ZNF532: variants seen among roughly 807,000 people sequenced by gnomAD.
ZNF532 encodes the protein zinc finger protein 532.
A neutral mutation model predicts 89.3 loss-of-function variants in ZNF532; 22 were observed. The observed-to-expected ratio is 0.25, with a 90% CI of 0.18 to 0.35. The LOEUF (loss-of-function observed/expected upper bound fraction) is 0.35. ZNF532 is among the 10% of genes least tolerant of loss of function. ZNF532 has a pLI of 1.00. For synonymous variants in ZNF532, 606 were observed against 649.6 expected, an observed-to-expected ratio of 0.93 and a Z score of 1.02; for missense variants, 1,132 against 1,643.4, an observed-to-expected ratio of 0.69 and a Z score of 5.38.
Position 58,979,105 on chromosome 18 carries a change from C to A in ZNF532, c.3201C>A (p.Ser1067=), listed in dbSNP as rs1465054432. Residue 1067 remains serine, a synonymous_variant, in exon 8 of 10, where the codon TCC becomes TCA. Coordinates refer to ENST00000591808, the MANE Select transcript of ZNF532 (RefSeq NM_001375912.1). ...CRQCDKSFSS[S]HSLCRHNRIK... ...AGTGTGACAAGTCTTTCAGCTCGTC[C>A]CACAGCCTGTGCCGGCACAACCGGA... 6 of 1,613,416 alleles carry A rather than the reference C, an allele frequency of 3.7e-6. No homozygotes were observed. In the South Asian group the frequency reaches 6.6e-5, roughly 18 times the overall value.
chr18:58,881,145 G>A (rs559203601), intron 2 of ZNF532, among the ~76,000 whole-genome samples: 5 of 149,630 alleles, frequency 3.3e-5, no homozygotes, highest in East Asian at 2.0e-4. Context: ...TCTGTCGCCC[G>A]GGCTGGAGTG....
At chr18:58,889,713 C>A (rs773841999) in intron 2 of ZNF532, among the ~76,000 whole-genome samples, 1 of 151,260 alleles carries the variant, frequency 6.6e-6, no homozygotes, top group Non-Finnish European at 1.5e-5. Flanking sequence ...GTGGAGGTTG[C>A]GGTGAGCCGA....
intron 7 of ZNF532, 38 bp downstream of exon 7, chr18:58,953,837 G>A: frequency 6.3e-7 from 1 of 1,582,884 alleles, no homozygotes; most frequent in Non-Finnish European, 8.6e-7. Context: ...GTGAGTGCAA[G>A]AGAGGGCACT....
intron 2 of ZNF532, among the ~76,000 whole-genome samples, chr18:58,888,024 A>G (rs1376768461): frequency 1.3e-5 from 2 of 152,236 alleles, no homozygotes; most frequent in Non-Finnish European, 2.9e-5. Flanking sequence ...TCTAGTTCTC[A>G]GAAAATGGAA....
chr18:58,920,737 TGTG>T (rs1444300333), intron 3 of ZNF532, 104 bp downstream of exon 3: 283 of 2,982 alleles, frequency 0.095, 2 homozygotes, highest in African/African-American at 0.22. Context: ...GAAATGGACG[TGTG>T]TGTGTGTGTG....
chr18:58,953,544 T>C lies in ZNF532; in HGVS notation c.2895T>C (p.Ile965=), dbSNP rs2064436013. ...CTATGCATGGAACATTGAAAAGTAT[T>C]GAAGGGCCTCCAAACTTGGGTATAA... ...IKSMHGTLKS[I]EGPPNLGINL... The change falls in exon 7 of 10, where the codon ATT becomes ATC. Residue 965 remains isoleucine (I), a synonymous_variant. Coordinates refer to ENST00000591808, the MANE Select transcript of ZNF532 (RefSeq NM_001375912.1). 1 of 1,612,666 alleles carries C rather than the reference T, an allele frequency of 6.2e-7. No homozygotes were observed. The highest frequency in any genetic ancestry group is 1.3e-5 in the African/African-American group (1 of 74,834).
chr18:58,903,615 G>A (rs1489209914), intron 2 of ZNF532, among the ~76,000 whole-genome samples: 1 of 151,794 alleles, frequency 6.6e-6, no homozygotes, highest in South Asian at 2.1e-4. Flanking sequence ...GGCCCAGGGA[G>A]AAGAATTGGA....
At chr18:58,869,717 GA>G (rs1269692223) in intron 2 of ZNF532, among the ~76,000 whole-genome samples, 2 of 151,294 alleles carry the variant, frequency 1.3e-5, no homozygotes, top group African/African-American at 4.9e-5. Context: ...AAGCAGTGAA[GA>G]GGGGAGATTT....
intron 5 of ZNF532, among the ~76,000 whole-genome samples, chr18:58,940,964 T>TACACACACA (rs1568376885): frequency 2.2e-5 from 1 of 45,556 alleles, no homozygotes; most frequent in Non-Finnish European, 4.6e-5. Context: ...ACACACTCTT[T>TACACACACA]CTCTCTCTCT....
chr18:58,947,988 G>A lies in ZNF532; in HGVS notation c.2706-79G>A, dbSNP rs561139010. 272 of 1,406,716 alleles carry A rather than the reference G, an allele frequency of 1.9e-4. 4 individuals are homozygous for A. In the South Asian group the frequency reaches 3.6e-3, roughly 19 times the overall value. 87.1% of individuals were successfully genotyped at this position (1,406,716 alleles called of 1,614,324 possible). A position where few individuals can be genotyped will look rare whatever the true frequency, so the allele number is the denominator to read the frequency against. ...TTCTCAATGTGCCTCTGCCTCCCAA[G>A]TTCTTCAGCTATAAAGTAGCAGATC... On this transcript the variant is annotated intron_variant, in intron 5 of 9. Coordinates refer to ENST00000591808, the MANE Select transcript of ZNF532 (RefSeq NM_001375912.1).
intron 6 of ZNF532, among the ~76,000 whole-genome samples, chr18:58,950,045 T>A (rs1488259711): frequency 1.3e-5 from 2 of 152,230 alleles, no homozygotes; most frequent in Admixed American, 1.3e-4. Context: ...CAGGAAGAAT[T>A]TAAAACTGCT....
chr18:58,943,820 A>G (rs2063426396), intron 5 of ZNF532, among the ~76,000 whole-genome samples: 1 of 152,194 alleles, frequency 6.6e-6, no homozygotes, highest in South Asian at 2.1e-4. Context: ...CTGCTGATTA[A>G]CAGCAGTTTC....
Position 58,981,336 on chromosome 18 carries a change from A to G in ZNF532, c.3264-134A>G. The G allele has an allele frequency of 3.4e-6, 4 of 1,177,964 alleles. No homozygotes were observed. In the East Asian group the frequency reaches 9.5e-5, roughly 28 times the overall value. The allele number at this position is 1,177,964 out of a possible 1,614,324, so 73.0% of individuals were successfully genotyped here. Reference sequence around the variant, plus strand: ...TAGCAAAATTGCTGATTGCGTGTTGAACCATGGTGTGAACTCAGCTTATTG... The same window carrying G: ...TAGCAAAATTGCTGATTGCGTGTTGGACCATGGTGTGAACTCAGCTTATTG... On this transcript the variant is annotated intron_variant, in intron 8 of 9. Transcript: ENST00000591808.
chr18:58,951,648 T>TTTTTTTTTGGGG (rs1555746527), intron 6 of ZNF532, among the ~76,000 whole-genome samples: 51 of 116,348 alleles, frequency 4.4e-4, no homozygotes, highest in African/African-American at 1.7e-3. Context: ...GCCCTGTTGT[T>TTTTTTTTTGGGG]TTTTTTTTTT....
At chr18:58,899,152 C>A (rs576039440) in intron 2 of ZNF532, among the ~76,000 whole-genome samples, 2 of 152,358 alleles carry the variant, frequency 1.3e-5, no homozygotes, top group Non-Finnish European at 2.9e-5. Context: ...TCTGCTGCTT[C>A]GCTTTTTGGA....
chr18:58,974,635 G>A (rs7244106), intron 7 of ZNF532, among the ~76,000 whole-genome samples: 125,101 of 152,244 alleles, frequency 0.82, 52,224 homozygotes, highest in East Asian at 1. Flanking sequence ...ACTACAGAAT[G>A]CTGTGGAGTT....
At chr18:58,944,208 A>G (rs970432948) in intron 5 of ZNF532, among the ~76,000 whole-genome samples, 2 of 152,216 alleles carry the variant, frequency 1.3e-5, no homozygotes, top group African/African-American at 4.8e-5. Flanking sequence ...CAGCAATTTC[A>G]AAGCTTGGAG....
chr18:58,964,928 A>T (rs948918880), intron 7 of ZNF532, among the ~76,000 whole-genome samples: 29 of 149,456 alleles, frequency 1.9e-4, no homozygotes, highest in African/African-American at 6.6e-4. Flanking sequence ...TATATTCTAA[A>T]TATTTTTACT....
At chr18:58,940,693 G>C (rs958206219) in intron 5 of ZNF532, among the ~76,000 whole-genome samples, 4 of 152,136 alleles carry the variant, frequency 2.6e-5, no homozygotes, top group Non-Finnish European at 4.4e-5. Context: ...AGCATGGAGG[G>C]CTCTGTCAGC....
Sources: gnomAD v4.1 joint callset for allele counts (sites outside exome capture counted in the v4.1 genomes callset) on GRCh38, gnomAD v4.1.1 for gene constraint, MANE v1.5 for transcripts, NCBI Gene and HGNC (gene_info 2026-07-23, HGNC 2026-07-21) for gene names.